The following RNASEH1 variants were observed in gnomAD, a reference collection of about 807,000 sequenced individuals.
RNASEH1 encodes the protein ribonuclease H type II.
In RNASEH1, 27 loss-of-function variants were observed where a neutral mutation model predicts 34.6. The ratio of observed to expected loss-of-function variants is 0.78; its 90% confidence interval spans 0.58 to 1.08. RNASEH1 has a LOEUF of 1.08. RNASEH1 is among the 50% of genes least tolerant of loss of function. The probability of loss-of-function intolerance (pLI) is 0.00; values close to 1 mark genes in which losing one functional copy is unlikely to be tolerated. For missense variants in RNASEH1, 349 were observed against 373.6 expected, an observed-to-expected ratio of 0.93 and a Z score of 0.54; for synonymous variants, 162 against 138.4, an observed-to-expected ratio of 1.17 and a Z score of -1.20.
intron 2 of RNASEH1, among the ~76,000 whole-genome samples, chr2:3,554,440 A>G (rs927284316): frequency 1.3e-5 from 2 of 152,242 alleles, no homozygotes; most frequent in African/African-American, 4.8e-5. Flanking sequence ...ATTAACCTTA[A>G]ATCAGCTTAT....
intron 6 of RNASEH1, 99 bp from the exon 7 acceptor site, chr2:3,548,154 A>G: frequency 7.0e-7 from 1 of 1,427,742 alleles, no homozygotes; most frequent in Non-Finnish European, 9.7e-7. Context: ...TTGTATTCTG[A>G]GTCACCATCC....
At position 3,548,741 on chromosome 2, in the gene RNASEH1, G is replaced by A. The variant is rs1668999119; in HGVS notation, c.565-17C>T. 4.4e-6 allele frequency: 7 copies of A among 1,581,118 alleles called. No homozygotes were observed. Among genetic ancestry groups the A allele is most frequent in the East Asian group, 2.2e-5 (1 of 44,724 alleles). ...GCAGGCTGCCTTGAAAAGACAAGTC[G>A]ATAGTCATGCTACAGAAAATGTTCA... On this transcript the variant is annotated splice_polypyrimidine_tract_variant and intron_variant, in intron 5 of 7. Coordinates refer to ENST00000315212, the MANE Select transcript of RNASEH1 (RefSeq NM_002936.6).
Position 3,548,051 on chromosome 2 carries a change from T to C in RNASEH1, c.654A>G (p.Ile218Met). The C allele has an allele frequency of 6.2e-7, 1 of 1,614,078 alleles. No individual in the cohort carries two copies. The highest frequency in any genetic ancestry group is 8.5e-7 in the Non-Finnish European group (1 of 1,179,964). The change falls in exon 7 of 8, where the codon ATA becomes ATG. Residue 218 changes from isoleucine to methionine, a missense_variant. Physicochemically the swap from Ile to Met is conservative, Grantham distance 10 (BLOSUM62 1). Around this residue, in one of 2 missense-constraint regions of RNASEH1, gnomAD observed 93 missense variants for 132.9 expected, o/e 0.70. Coordinates refer to ENST00000315212, the MANE Select transcript of RNASEH1 (RefSeq NM_002936.6). The part of the protein sequence containing the change: ...YTDSMFTING[I>M]TNWVQGWKKN... ...TCTTCCAACCTTGAACCCAGTTAGT[T>C]ATACCTACAAAAATGCACGATCACT...
intron 7 of RNASEH1, among the ~76,000 whole-genome samples, chr2:3,547,543 A>G (rs1668875716): frequency 6.6e-6 from 1 of 150,378 alleles, no homozygotes; most frequent in Admixed American, 6.6e-5. Flanking sequence ...GCTGGAGTGC[A>G]GTGGCGCGAT....
intron 2 of RNASEH1, among the ~76,000 whole-genome samples, chr2:3,554,954 T>C (rs1395266102): frequency 1.3e-5 from 2 of 152,246 alleles, no homozygotes; most frequent in Admixed American, 6.5e-5. Flanking sequence ...AGTGGTATCG[T>C]ATAGGCCGAG....
chr2:3,534,640 G>A, the RNASEH1 span, among the ~76,000 whole-genome samples: 1 of 152,274 alleles, frequency 6.6e-6, no homozygotes, highest in Non-Finnish European at 1.5e-5. Flanking sequence ...GGCAAGCGTG[G>A]GATCTGGGCC....
At chr2:3,553,848 C>A (rs908222622) in intron 2 of RNASEH1, among the ~76,000 whole-genome samples, 1 of 152,178 alleles carries the variant, frequency 6.6e-6, no homozygotes, top group East Asian at 1.9e-4. Context: ...CTGCGAACTC[C>A]GTCAACTGAA....
the RNASEH1 span, among the ~76,000 whole-genome samples, chr2:3,535,287 G>A: frequency 5.9e-5 from 9 of 151,968 alleles, no homozygotes; most frequent in South Asian, 4.2e-4. Flanking sequence ...AAAGCCAGGC[G>A]TGGTGGTGTG....
At chr2:3,547,017 G>A (rs1210771392) in intron 7 of RNASEH1, among the ~76,000 whole-genome samples, 1 of 152,186 alleles carries the variant, frequency 6.6e-6, no homozygotes, top group Non-Finnish European at 1.5e-5. Context: ...CAGATACTTG[G>A]GAGGCTGAGG....
rs1390044296 is a variant in RNASEH1 at position 3,543,688 on chromosome 2, G to A, written c.*2097C>T. 6.6e-6 allele frequency among the ~76,000 whole-genome samples: 1 copy of A among 151,782 alleles called. No individual in the cohort carries two copies. Among genetic ancestry groups the A allele is most frequent in the South Asian group, 2.1e-4 (1 of 4,800 alleles). On this transcript the variant is annotated 3_prime_UTR_variant, in exon 8 of 8. Coordinates refer to ENST00000315212, the MANE Select transcript of RNASEH1 (RefSeq NM_002936.6). Reference sequence around the variant, plus strand: ...ATGTGGTGGCATGGTCACAGCTCACGCATCCTCGACCTCCTGGGCCCAAGC... The same window carrying A: ...ATGTGGTGGCATGGTCACAGCTCACACATCCTCGACCTCCTGGGCCCAAGC...
At chr2:3,540,959 A>G (rs1484538227), downstream of RNASEH1, among the ~76,000 whole-genome samples, 2 of 152,192 alleles carry the variant, frequency 1.3e-5, no homozygotes, top group African/African-American at 4.8e-5. Flanking sequence ...AAGGATGTGG[A>G]GTGAACTGGA....
At chr2:3,539,237 T>C (rs149295534), downstream of RNASEH1, among the ~76,000 whole-genome samples, 462 of 152,344 alleles carry the variant, frequency 3.0e-3, 2 homozygotes, top group African/African-American at 0.011. Context: ...GTACTGCTTT[T>C]AATATACACG....
chr2:3,552,513 A>C (rs189348227), intron 2 of RNASEH1, among the ~76,000 whole-genome samples: 7 of 20,282 alleles, frequency 3.5e-4, no homozygotes, highest in Admixed American at 2.3e-3. Flanking sequence ...CCCCCTCCAC[A>C]CCACCTCCAC....
intron 2 of RNASEH1, among the ~76,000 whole-genome samples, chr2:3,553,901 T>TGATC (rs1489844856): frequency 6.6e-6 from 1 of 152,202 alleles, no homozygotes; most frequent in Non-Finnish European, 1.5e-5. Flanking sequence ...CTGGGCTAGA[T>TGATC]GATCTCAAAC....
chr2:3,549,574 G>A (rs1669084593), intron 4 of RNASEH1, among the ~76,000 whole-genome samples: 1 of 152,162 alleles, frequency 6.6e-6, no homozygotes, highest in African/African-American at 2.4e-5. Flanking sequence ...TTGGGCCAGG[G>A]GTGGTGGCTC....
At chr2:3,554,131 G>A (rs1461636945) in intron 2 of RNASEH1, among the ~76,000 whole-genome samples, 2 of 152,198 alleles carry the variant, frequency 1.3e-5, no homozygotes, top group African/African-American at 4.8e-5. Flanking sequence ...GGAACCCTAA[G>A]GGCGCCGGGC....
intron 7 of RNASEH1, among the ~76,000 whole-genome samples, chr2:3,546,188 A>G (rs1188200198): frequency 6.6e-6 from 1 of 152,216 alleles, no homozygotes; most frequent in Non-Finnish European, 1.5e-5. Flanking sequence ...AGATGGGTGG[A>G]CGGATATGTA....
At chr2:3,548,930 A>G (rs1669017542) in intron 5 of RNASEH1, 128 bp downstream of exon 5, 4 of 920,732 alleles carry the variant, frequency 4.3e-6, no homozygotes, top group African/African-American at 1.7e-5. Flanking sequence ...ATTTTTCAAA[A>G]TTGTTATTAA....
chr2:3,549,198 T>C (rs1669050289), intron 4 of RNASEH1, 86 bp from the exon 5 acceptor site: 1 of 985,750 alleles, frequency 1.0e-6, no homozygotes, highest in Admixed American at 1.9e-5. Flanking sequence ...TAAACTAGTG[T>C]GTATTCTTAT....
Sources: allele counts gnomAD v4.1 joint callset (sites outside exome capture counted in the v4.1 genomes callset), GRCh38; gene constraint gnomAD v4.1.1; regional missense constraint gnomAD v4.1.1; transcripts MANE v1.5; gene names NCBI Gene and HGNC (gene_info 2026-07-23, HGNC 2026-07-21).